The following HMHB1 variants were observed in gnomAD, a reference collection of about 807,000 sequenced individuals.
HMHB1 encodes minor histocompatibility protein HB-1.
HMHB1 carries 4 observed loss-of-function variants against 2.4 expected under a neutral mutation model. The observed-to-expected ratio is 1.65, with a 90% confidence interval of 0.81 to 3.77. HMHB1 has a LOEUF of 3.77. Among genes scored for constraint, HMHB1 ranks in the 30% most tolerant of loss-of-function variants. The pLI is 0.01. For synonymous variants in HMHB1, 22 were observed against 17.6 expected, an observed-to-expected ratio of 1.25 and a Z score of -0.63; for missense variants, 57 against 44.2, an observed-to-expected ratio of 1.29 and a Z score of -0.82.
At chr5:143,818,805 C>T (rs912663706) in intron 1 of HMHB1, among the ~76,000 whole-genome samples, 3 of 152,086 alleles carry the variant, frequency 2.0e-5, no homozygotes, top group Admixed American at 6.5e-5. Flanking sequence ...GGCTCCTACC[C>T]CTAGCTGGTC....
In HMHB1 at chr5:143,817,304, C is replaced by G. The variant is rs574971846; in HGVS notation, c.38-3176C>G. On this transcript the variant is annotated intron_variant, in intron 1 of 1. Coordinates refer to ENST00000289448, the MANE Select transcript of HMHB1 (RefSeq NM_021182.3). The stretch of plus-strand genomic sequence containing the variant: ...CTAAGCCAATGTCTAGAAGGGTTTT[C>G]CCAATGTTCTCTTCTAGAATTTTTA... Among the ~76,000 whole-genome samples the G allele has an allele frequency of 1.5e-3, 221 of 152,196 alleles. 2 individuals carry two copies. Among genetic ancestry groups the G allele is most frequent in the African/African-American group, 5.1e-3 (210 of 41,534 alleles).
chr5:143,813,809 C>A lies in HMHB1; in HGVS notation c.37+1505C>A, dbSNP rs186446667. ...AATATAAGTAATAAATATGAACATA[C>A]CTTTTTTATTTCAGACTTTTGCTCC... On this transcript the variant is annotated intron_variant, in intron 1 of 1. Transcript: ENST00000289448. Among the ~76,000 whole-genome samples the A allele has an allele frequency of 2.6e-5, 4 of 152,132 alleles. No individual in the cohort carries two copies. In the East Asian group the frequency reaches 7.7e-4, roughly 29 times the overall value.
rs754534622 is a variant in HMHB1, at chr5:143,820,457, A to G, written c.38-23A>G. 6.8e-6 allele frequency: 10 copies of G among 1,460,558 alleles called. No homozygotes were observed. The South Asian group carries it at 8.0e-5, about 12-fold the overall frequency. The allele number at this position is 1,460,558 out of a possible 1,614,324, so 90.5% of individuals were successfully genotyped here. A position where few individuals can be genotyped will look rare whatever the true frequency, so the allele number is the denominator to read the frequency against. ...CTGAGAAGTTGTAAGCTCAAGTCTCAGCTAAGCCATTCTTTTCTATAGGTT... is the reference window on the plus strand; with the variant it reads ...CTGAGAAGTTGTAAGCTCAAGTCTCGGCTAAGCCATTCTTTTCTATAGGTT... On this transcript the variant is annotated intron_variant, in intron 1 of 1. Transcript: ENST00000289448.
At chr5:143,820,318 TAAAAAAAAAAAAAAAAAAAAAAA>T (rs60960654) in intron 1 of HMHB1, among the ~76,000 whole-genome samples, 139 bp from the exon 2 acceptor site, 1 of 47,564 alleles carries the variant, frequency 2.1e-5, no homozygotes, top group Non-Finnish European at 4.1e-5. Context: ...TCATCATAAG[TAAAAAAAAAAAAAAAAAAAAAAA>T]AAAAAAAAAC....
chr5:143,814,304 A>T (rs757484484), intron 1 of HMHB1, among the ~76,000 whole-genome samples: 1 of 152,238 alleles, frequency 6.6e-6, no homozygotes, highest in Non-Finnish European at 1.5e-5. Context: ...ACAAAAAGTT[A>T]ATTTTATAAC....
rs2232235 is a variant in HMHB1 at position 143,812,424 on chromosome 5, T to C, written c.37+120T>C. ...AAACCACAACAGGTGAAAACAGGGA[T>C]GGCGGAAGGCAGGGGAGAGGAGTGA... On this transcript the variant is annotated intron_variant, in intron 1 of 1. Transcript: ENST00000289448. The C allele has an allele frequency of 4.5e-3, 4,134 of 928,652 alleles. 129 individuals carry two copies. In the African/African-American group the frequency reaches 0.059, roughly 13 times the overall value. The allele number at this position is 928,652 out of a possible 1,614,324, so 57.5% of individuals were successfully genotyped here.
intron 1 of HMHB1, among the ~76,000 whole-genome samples, chr5:143,815,867 C>T (rs1323597254): frequency 6.6e-6 from 1 of 150,652 alleles, no homozygotes; most frequent in Admixed American, 6.7e-5. Context: ...CTACCGCACC[C>T]GGCTAATTTT....
chr5:143,815,988 G>C (rs148774142), intron 1 of HMHB1, among the ~76,000 whole-genome samples: 1 of 152,088 alleles, frequency 6.6e-6, no homozygotes, highest in Non-Finnish European at 1.5e-5. Context: ...TTACAGGCGT[G>C]AGCCGCTGTG....
In HMHB1 at chr5:143,814,359, G is replaced by A. The variant is rs150172951; in HGVS notation, c.37+2055G>A. Among the ~76,000 whole-genome samples, 67 of 151,860 alleles carry A rather than the reference G, an allele frequency of 4.4e-4. 2 individuals carry two copies. The East Asian group carries it at 0.012, about 28-fold the overall frequency. On this transcript the variant is annotated intron_variant, in intron 1 of 1. Coordinates refer to ENST00000289448, the MANE Select transcript of HMHB1 (RefSeq NM_021182.3). ...TTTTATTTGTTATTCTTTGTCTCTC[G>A]TCAATAGAAAAAAATATGGACCGCT...
At chr5:143,814,381 C>T (rs191525471) in intron 1 of HMHB1, among the ~76,000 whole-genome samples, 17 of 152,020 alleles carry the variant, frequency 1.1e-4, no homozygotes, top group Non-Finnish European at 2.1e-4. Flanking sequence ...AAATATGGAC[C>T]GCTCATGAAA....
chr5:143,816,095 C>A (rs1053809252), intron 1 of HMHB1, among the ~76,000 whole-genome samples: 1 of 152,198 alleles, frequency 6.6e-6, no homozygotes, highest in African/African-American at 2.4e-5. Context: ...ACCTGATTAG[C>A]AATCTAAATT....
intron 1 of HMHB1, among the ~76,000 whole-genome samples, chr5:143,816,320 G>T (rs1759749092): frequency 6.6e-6 from 1 of 152,108 alleles, no homozygotes; most frequent in Non-Finnish European, 1.5e-5. Context: ...TGTATACATT[G>T]CATCCTATTT....
chr5:143,812,678 G>T (rs555537679), intron 1 of HMHB1, among the ~76,000 whole-genome samples: 37 of 152,118 alleles, frequency 2.4e-4, no homozygotes, highest in African/African-American at 8.0e-4. Flanking sequence ...CTTGCCCACC[G>T]CGTGGGATGC....
intron 1 of HMHB1, among the ~76,000 whole-genome samples, chr5:143,819,350 C>T (rs945714608): frequency 2.0e-5 from 3 of 152,192 alleles, no homozygotes; most frequent in Non-Finnish European, 4.4e-5. Flanking sequence ...TAAAAGTCTA[C>T]TACAATATCC....
chr5:143,820,369 A>AAAAAAAAAAAAAAAAAAAAAAAAAAAAG, intron 1 of HMHB1, 111 bp from the exon 2 acceptor site: 2 of 475,364 alleles, frequency 4.2e-6, no homozygotes, highest in East Asian at 3.3e-5. Context: ...AACAAAACTA[A>AAAAAAAAAAAAAAAAAAAAAAAAAAAAG]AAAGCTAACA....
chr5:143,815,566 G>A (rs548119470), intron 1 of HMHB1, among the ~76,000 whole-genome samples: 1 of 150,598 alleles, frequency 6.6e-6, no homozygotes, highest in South Asian at 2.1e-4. Context: ...CTGTCGCCCA[G>A]GCTGGATTTG....
At chr5:143,818,516 A>C (rs1759773350) in intron 1 of HMHB1, among the ~76,000 whole-genome samples, 2 of 152,236 alleles carry the variant, frequency 1.3e-5, no homozygotes, top group Admixed American at 6.5e-5. Context: ...TCAAAGTTAC[A>C]CAAGTATCAA....
intron 1 of HMHB1, among the ~76,000 whole-genome samples, chr5:143,820,026 TA>T (rs1484808510): frequency 6.6e-6 from 1 of 152,176 alleles, no homozygotes; most frequent in Admixed American, 6.5e-5. Flanking sequence ...AGAGTTCAGT[TA>T]TTAGAAACTC....
intron 1 of HMHB1, among the ~76,000 whole-genome samples, chr5:143,815,762 A>G (rs1759741121): frequency 6.7e-6 from 1 of 149,220 alleles, no homozygotes; most frequent in African/African-American, 2.5e-5. Flanking sequence ...TGCGGACTGC[A>G]GTGGCGCAAT....
Sources: allele counts gnomAD v4.1 joint callset (sites outside exome capture counted in the v4.1 genomes callset), GRCh38; gene constraint gnomAD v4.1.1; transcripts MANE v1.5; gene names NCBI Gene and HGNC (gene_info 2026-07-23, HGNC 2026-07-21).